RALB: variants seen among roughly 807,000 people sequenced by gnomAD.
The protein encoded by RALB is ras-related protein Ral-B.
RALB carries 16 observed loss-of-function variants against 21.3 expected under a neutral mutation model. The observed-to-expected ratio is 0.75, with a 90% CI of 0.51 to 1.14. The LOEUF (loss-of-function observed/expected upper bound fraction) is 1.14. Among genes scored for constraint, RALB ranks in the 50% most tolerant of loss-of-function variants. The pLI is 0.00. For missense variants in RALB, 161 were observed against 256.2 expected, an observed-to-expected ratio of 0.63 and a Z score of 2.54; for synonymous variants, 93 against 96.1, an observed-to-expected ratio of 0.97 and a Z score of 0.19.
chr2:120,275,257 G>A (rs1689761462), intron 1 of RALB, among the ~76,000 whole-genome samples: 1 of 152,240 alleles, frequency 6.6e-6, no homozygotes, highest in Non-Finnish European at 1.5e-5. Context: ...TGGTCTCCCA[G>A]CCATGTGAAT....
intron 1 of RALB, among the ~76,000 whole-genome samples, chr2:120,260,124 G>A (rs578195575): frequency 1.2e-4 from 18 of 152,340 alleles, no homozygotes; most frequent in African/African-American, 3.4e-4. Flanking sequence ...GTTCCTGCTC[G>A]TGCCTCTCCC....
At chr2:120,290,795 G>T (rs1428216016) in intron 4 of RALB, among the ~76,000 whole-genome samples, 2 of 152,114 alleles carry the variant, frequency 1.3e-5, no homozygotes, top group Non-Finnish European at 2.9e-5. Flanking sequence ...TAAAATTAAA[G>T]TTCAAGGTGG....
At chr2:120,270,451 C>T (rs1689634510) in intron 1 of RALB, among the ~76,000 whole-genome samples, 1 of 152,164 alleles carries the variant, frequency 6.6e-6, no homozygotes, top group South Asian at 2.1e-4. Context: ...CATGTGATTC[C>T]ATAAGATTGT....
At chr2:120,289,364 G>T (rs1690252482) in intron 3 of RALB, among the ~76,000 whole-genome samples, 1 of 151,934 alleles carries the variant, frequency 6.6e-6, no homozygotes, top group Admixed American at 6.6e-5. Flanking sequence ...AGCATCCCAG[G>T]GGATTCTGAT....
At chr2:120,267,416 G>A (rs975121233) in intron 1 of RALB, among the ~76,000 whole-genome samples, 3 of 151,942 alleles carry the variant, frequency 2.0e-5, no homozygotes, top group Non-Finnish European at 4.4e-5. Flanking sequence ...GAGTCATAAC[G>A]CGTATGAGCA....
intron 1 of RALB, among the ~76,000 whole-genome samples, chr2:120,270,025 T>C (rs1302193284): frequency 2.0e-5 from 3 of 152,240 alleles, no homozygotes; most frequent in Non-Finnish European, 2.9e-5. Flanking sequence ...GTTTGTTATC[T>C]GTGCCCACTT....
At chr2:120,244,195 T>C (rs1342205856) in intron 1 of RALB, among the ~76,000 whole-genome samples, 5 of 152,168 alleles carry the variant, frequency 3.3e-5, no homozygotes, top group Non-Finnish European at 5.9e-5. Flanking sequence ...TTCAATCACC[T>C]CCTACCAGAT....
intron 1 of RALB, among the ~76,000 whole-genome samples, chr2:120,242,846 TG>T (rs1443749890): frequency 1.3e-5 from 2 of 151,910 alleles, no homozygotes; most frequent in Non-Finnish European, 2.9e-5. Flanking sequence ...GAGGCCGAGG[TG>T]GGAGGATCAC....
At chr2:120,261,497 G>A (rs1225035790) in intron 1 of RALB, among the ~76,000 whole-genome samples, 1 of 152,188 alleles carries the variant, frequency 6.6e-6, no homozygotes, top group African/African-American at 2.4e-5. Context: ...TAAGCAGAGG[G>A]AGGGCACAGG....
intron 1 of RALB, among the ~76,000 whole-genome samples, chr2:120,247,570 T>A (rs1688991256): frequency 6.6e-6 from 1 of 152,160 alleles, no homozygotes; most frequent in Admixed American, 6.5e-5. Flanking sequence ...CCTCGTAAAG[T>A]CCTGACTTAC....
At position 120,252,978 on chromosome 2, in the gene RALB, C is replaced by T. The variant is rs1311692542; in HGVS notation, c.-50C>T. On this transcript the variant is annotated splice_region_variant and 5_prime_UTR_variant, in exon 1 of 5. Coordinates refer to ENST00000272519, the MANE Select transcript of RALB (RefSeq NM_002881.3). The stretch of plus-strand genomic sequence containing the variant: ...ACGGCGGAGGCGGCGGGACTGGTCC[C>T]TGGTAAGGGCGCGGCGCCCGCGGGC... 3.0e-6 allele frequency: 3 copies of T among 985,000 alleles called. No individual in the cohort carries two copies. Among genetic ancestry groups the T allele is most frequent in the Non-Finnish European group, 3.6e-6 (3 of 829,986 alleles). The allele number at this position is 985,000 out of a possible 1,614,324, so 61.0% of individuals were successfully genotyped here. A position where few individuals can be genotyped will look rare whatever the true frequency, so the allele number is the denominator to read the frequency against.
In RALB at chr2:120,252,903, C is replaced by A. The variant is rs1447450689; in HGVS notation, c.-125C>A. On this transcript the variant is annotated 5_prime_UTR_variant, in exon 1 of 5. Transcript: ENST00000272519. The stretch of plus-strand genomic sequence containing the variant: ...AAATCGGTGGAGGACGGCTGGGGTC[C>A]GGCCCCGGGAGGGGGCGGGGCGCGT... 6.1e-6 allele frequency: 6 copies of A among 985,428 alleles called. No homozygotes were observed. Among genetic ancestry groups the A allele is most frequent in the Non-Finnish European group, 7.2e-6 (6 of 829,988 alleles). The allele number at this position is 985,428 out of a possible 1,614,324, so 61.0% of individuals were successfully genotyped here.
upstream of RALB, chr2:120,252,611 G>A: frequency 5.2e-6 from 1 of 193,618 alleles, no homozygotes; most frequent in Non-Finnish European, 9.4e-6. Context: ...TGTCCGAGGG[G>A]CAGAGAGAGA....
chr2:120,277,519 C>T (rs1040371655), intron 1 of RALB, among the ~76,000 whole-genome samples: 5 of 148,284 alleles, frequency 3.4e-5, no homozygotes, highest in South Asian at 2.1e-4. Context: ...AACGTTAGAG[C>T]GTATGTGAGT....
intron 3 of RALB, 107 bp from the exon 4 acceptor site, chr2:120,289,473 T>C: frequency 8.7e-7 from 1 of 1,151,464 alleles, no homozygotes; most frequent in Non-Finnish European, 1.3e-6. Flanking sequence ...TAGTGATTTT[T>C]TTTTTTCCTT....
At chr2:120,286,130 T>C in intron 3 of RALB, 48 bp downstream of exon 3, 4 of 1,536,106 alleles carry the variant, frequency 2.6e-6, no homozygotes, top group Non-Finnish European at 2.7e-6. Flanking sequence ...CTTTTTGCCT[T>C]TTCTCATATG....
At chr2:120,271,146 G>T (rs1689656202) in intron 1 of RALB, among the ~76,000 whole-genome samples, 1 of 152,188 alleles carries the variant, frequency 6.6e-6, no homozygotes, top group Non-Finnish European at 1.5e-5. Context: ...TTTCCTCTTT[G>T]CTCAAGCTTA....
At chr2:120,255,386 TA>T (rs1467147798) in intron 1 of RALB, among the ~76,000 whole-genome samples, 1 of 152,174 alleles carries the variant, frequency 6.6e-6, no homozygotes, top group Non-Finnish European at 1.5e-5. Context: ...GGAGAAAAAC[TA>T]ACAGTTACTG....
chr2:120,254,775 TC>T (rs1689155362), intron 1 of RALB, among the ~76,000 whole-genome samples: 1 of 152,140 alleles, frequency 6.6e-6, no homozygotes, highest in Non-Finnish European at 1.5e-5. Context: ...CCTCCCAGGC[TC>T]AGGTGAGTCT....
Sources: gnomAD v4.1 joint callset for allele counts (sites outside exome capture counted in the v4.1 genomes callset) on GRCh38, gnomAD v4.1.1 for gene constraint, MANE v1.5 for transcripts, NCBI Gene and HGNC (gene_info 2026-07-23, HGNC 2026-07-21) for gene names.